The following CDH5 variants were observed in gnomAD, a reference collection of about 807,000 sequenced individuals.
CDH5 encodes the protein cadherin 5.
Under a neutral mutation model 62.0 loss-of-function variants are expected in CDH5, and 28 were observed. That is an observed-to-expected ratio of 0.45 (90% confidence interval 0.33 to 0.62). The LOEUF is 0.62. Ranked by LOEUF, CDH5 falls within the 20% of genes least tolerant of loss-of-function variation. CDH5 has a pLI of 0.02. For synonymous variants in CDH5, 464 were observed against 445.8 expected (o/e 1.04, Z -0.52); for missense variants, 940 against 1,065.1 (o/e 0.88, Z 1.63).
intron 2 of CDH5, among the ~76,000 whole-genome samples, chr16:66,383,796 G>C (rs1272142587): frequency 6.6e-6 from 1 of 152,140 alleles, no homozygotes; most frequent in Non-Finnish European, 1.5e-5. Context: ...GCTCCAAGAT[G>C]CTTGTTGCTG....
chr16:66,384,173 C>T (rs1391959832), intron 2 of CDH5, among the ~76,000 whole-genome samples: 1 of 149,808 alleles, frequency 6.7e-6, no homozygotes, highest in Non-Finnish European at 1.5e-5. Context: ...CAACCTCTGC[C>T]TCCCAGGCTC....
At chr16:66,401,341 T>TGAGTGCCA (rs1961278741) in intron 11 of CDH5, among the ~76,000 whole-genome samples, 1 of 152,210 alleles carries the variant, frequency 6.6e-6, no homozygotes, top group Non-Finnish European at 1.5e-5. Flanking sequence ...CAGCATTTAC[T>TGAGTGCCA]GAGTGCCAGG....
intron 2 of CDH5, among the ~76,000 whole-genome samples, chr16:66,382,125 G>A (rs1960909070): frequency 6.6e-6 from 1 of 152,226 alleles, no homozygotes; most frequent in South Asian, 2.1e-4. Context: ...AGACTGAGAA[G>A]GCCGGTGTGG....
chr16:66,384,052 T>A (rs1375386496), intron 2 of CDH5, among the ~76,000 whole-genome samples: 1 of 150,140 alleles, frequency 6.7e-6, no homozygotes, highest in Non-Finnish European at 1.5e-5. Flanking sequence ...CCCCAGCCTC[T>A]CTTGAGTTCT....
chr16:66,384,478 C>T (rs1227651323), intron 2 of CDH5, among the ~76,000 whole-genome samples: 2 of 151,888 alleles, frequency 1.3e-5, no homozygotes, highest in African/African-American at 4.8e-5. Flanking sequence ...GTGAGGCAGA[C>T]TCAGTAGCTC....
chr16:66,396,297 A>G, intron 8 of CDH5, 96 bp downstream of exon 8: 4 of 1,481,916 alleles, frequency 2.7e-6, no homozygotes, highest in Non-Finnish European at 3.7e-6. Flanking sequence ...CTCTAGACGT[A>G]TTAGAAGTGC....
chr16:66,373,981 A>C (rs1377316604), intron 1 of CDH5, among the ~76,000 whole-genome samples: 1 of 152,128 alleles, frequency 6.6e-6, no homozygotes, highest in Non-Finnish European at 1.5e-5. Context: ...GTCACCACAG[A>C]GATAGAGAGA....
In CDH5 at chr16:66,388,412, GA is replaced by G; in HGVS notation, c.591del (p.Glu198SerfsTer14). 6.2e-7 allele frequency: 1 copy of G among 1,612,906 alleles called. No individual in the cohort carries two copies. Among genetic ancestry groups the G allele is most frequent in the Non-Finnish European group, 8.5e-7 (1 of 1,178,810 alleles). On this transcript the variant is annotated frameshift_variant, in exon 4 of 12. Transcript: ENST00000341529. LOFTEE classifies it high-confidence loss of function. ...ASVMYQILKGKEYFAIDNSGR... is the reference protein window; with the variant it reads ...ASVMYQILKGXEYFAIDNSGR... ...CTGTCATGTACCAAATCCTGAAGGG[GA>G]AAGAGTATTTTGCCATCGATAATTC...
chr16:66,389,492 A>G lies in CDH5; in HGVS notation c.751A>G (p.Ile251Val). 2 of 1,601,888 alleles carry G rather than the reference A, an allele frequency of 1.2e-6. No homozygotes were observed. The highest frequency in any genetic ancestry group is 1.7e-5 in the Admixed American group (1 of 59,064). ...CACCGTGCTGGTCACTCTGCAAGACATCAATGACAACTTCCCCTTCTTCAC... is the reference window on the plus strand; with the variant it reads ...CACCGTGCTGGTCACTCTGCAAGACGTCAATGACAACTTCCCCTTCTTCAC... ...TATVLVTLQDINDNFPFFTQT... is the reference protein window; with the variant it reads ...TATVLVTLQDVNDNFPFFTQT... The change falls in exon 5 of 12, where the codon ATC becomes GTC. Residue 251 changes from isoleucine (I) to valine (V), a missense_variant. Ile to Val is a conservative substitution (Grantham distance 29). Transcript: ENST00000341529.
chr16:66,387,778 C>A (rs1961012190), intron 3 of CDH5, among the ~76,000 whole-genome samples: 1 of 152,170 alleles, frequency 6.6e-6, no homozygotes, highest in Non-Finnish European at 1.5e-5. Flanking sequence ...GTGTGGGGGA[C>A]AGAGCACTAG....
intron 7 of CDH5, 178 bp downstream of exon 7, chr16:66,392,561 A>C (rs1596942069): frequency 1.4e-6 from 1 of 740,334 alleles, no homozygotes; most frequent in Non-Finnish European, 2.2e-6. Flanking sequence ...TGGCATCTTG[A>C]CCTGCCTGGA....
chr16:66,401,649 G>C (rs1192392567), intron 11 of CDH5, among the ~76,000 whole-genome samples: 1 of 152,208 alleles, frequency 6.6e-6, no homozygotes, highest in East Asian at 1.9e-4. Context: ...TAAGGCAGAG[G>C]GGGAGTGAAG....
intron 1 of CDH5, among the ~76,000 whole-genome samples, chr16:66,373,273 G>T (rs1446472912): frequency 6.6e-6 from 1 of 152,154 alleles, no homozygotes; most frequent in Non-Finnish European, 1.5e-5. Flanking sequence ...ATCTCCAGAG[G>T]CTGCAGCCAA....
intron 9 of CDH5, 79 bp from the exon 10 acceptor site, chr16:66,398,377 A>T (rs768689634): frequency 7.3e-4 from 710 of 966,400 alleles, no homozygotes; most frequent in Non-Finnish European, 1.0e-3. Context: ...ACTTAAACCC[A>T]AAGGCTCCAT....
chr16:66,390,708 G>A lies in CDH5; in HGVS notation c.969+118G>A, dbSNP rs572690801. The stretch of plus-strand genomic sequence containing the variant: ...CATCAAAGGACCATCAAAGCTCCAA[G>A]GTGGTCATGTGTTCATGGAGACTGT... On this transcript the variant is annotated intron_variant, in intron 6 of 11. Transcript: ENST00000341529. 4,754 of 927,896 alleles carry A rather than the reference G, an allele frequency of 5.1e-3. 22 individuals are homozygous for A. Among genetic ancestry groups the A allele is most frequent in the Non-Finnish European group, 6.8e-3 (4,160 of 615,202 alleles). 57.5% of individuals were successfully genotyped at this position (927,896 alleles called of 1,614,324 possible).
chr16:66,369,996 G>A (rs1960656533), intron 1 of CDH5, among the ~76,000 whole-genome samples: 1 of 151,980 alleles, frequency 6.6e-6, no homozygotes, highest in African/African-American at 2.4e-5. Flanking sequence ...TTGTTTGTTT[G>A]TTTGTTTGTT....
At chr16:66,381,411 C>T (rs7403990) in intron 2 of CDH5, among the ~76,000 whole-genome samples, 108,221 of 152,126 alleles carry the variant, frequency 0.71, 38,783 homozygotes, top group East Asian at 0.81. Context: ...CAAACTGTCA[C>T]TGATGTCAAA....
rs1467533519 is a variant in CDH5, at chr16:66,402,640, C to T, written c.1838-12C>T. ...CCTTGTCTGACTCTGCTGCTCGGCT[C>T]CCTGGCTGCAGTGATCACCCTGCTC... is the stretch of plus-strand genomic sequence containing the variant. On this transcript the variant is annotated splice_polypyrimidine_tract_variant and intron_variant, in intron 11 of 11. Transcript: ENST00000341529. 4 of 1,560,628 alleles carry T rather than the reference C, an allele frequency of 2.6e-6. No homozygotes were observed. Among genetic ancestry groups the T allele is most frequent in the South Asian group, 1.2e-5 (1 of 81,598 alleles).
intron 6 of CDH5, among the ~76,000 whole-genome samples, chr16:66,391,563 A>G (rs1252166092): frequency 6.6e-6 from 1 of 152,146 alleles, no homozygotes; most frequent in South Asian, 2.1e-4. Flanking sequence ...ACCTGAGGTC[A>G]GGAGTTTGAG....
Sources: allele counts gnomAD v4.1 joint callset (sites outside exome capture counted in the v4.1 genomes callset), GRCh38; gene constraint gnomAD v4.1.1; transcripts MANE v1.5; gene names NCBI Gene and HGNC (gene_info 2026-07-23, HGNC 2026-07-21).